Variants in UMODL1 observed in about 807,000 individuals in gnomAD.
The protein encoded by UMODL1 is uromodulin-like 1.
Under a neutral mutation model 136.3 loss-of-function variants are expected in UMODL1, and 128 were observed. The observed-to-expected ratio is 0.94, with a 90% CI of 0.81 to 1.09. UMODL1 has a LOEUF of 1.09. Ranked by LOEUF, UMODL1 falls within the 50% of genes least tolerant of loss-of-function variation. The pLI, the probability that UMODL1 is intolerant of heterozygous loss-of-function variation, is 0.00. For missense variants in UMODL1, 1,766 were observed against 1,725.6 expected, an observed-to-expected ratio of 1.02 and a Z score of -0.41; for synonymous variants, 721 against 720.0, an observed-to-expected ratio of 1.00 and a Z score of -0.02.
At chr21:42,110,034 C>T (rs1326915580) in intron 10 of UMODL1, among the ~76,000 whole-genome samples, 2 of 152,138 alleles carry the variant, frequency 1.3e-5, no homozygotes, top group African/African-American at 4.8e-5. Flanking sequence ...AGGATGCAGC[C>T]CGGGGTCGAG....
intron 2 of UMODL1, among the ~76,000 whole-genome samples, chr21:42,080,936 C>G (rs1163441372): frequency 6.6e-6 from 1 of 152,228 alleles, no homozygotes; most frequent in Non-Finnish European, 1.5e-5. Context: ...ACTTAACTGT[C>G]AGTTGTTTCC....
intron 9 of UMODL1, among the ~76,000 whole-genome samples, chr21:42,106,313 T>C (rs978128787): frequency 6.6e-6 from 1 of 152,170 alleles, no homozygotes; most frequent in Non-Finnish European, 1.5e-5. Flanking sequence ...GAAGAAGACA[T>C]TTGATATTAC....
chr21:42,089,828 A>G (rs1447218400), intron 5 of UMODL1, among the ~76,000 whole-genome samples: 1 of 152,246 alleles, frequency 6.6e-6, no homozygotes, highest in Non-Finnish European at 1.5e-5. Context: ...GTACTTAGAC[A>G]GCATTATGAA....
At position 42,133,903 on chromosome 21, in the gene UMODL1, G is replaced by GTTTTGTTTTT. The variant is rs570917479; in HGVS notation, c.3776-3527_3776-3526insTTTTTGTTTT. Among the ~76,000 whole-genome samples, 493 of 136,350 alleles carry GTTTTGTTTTT rather than the reference G, an allele frequency of 3.6e-3. 4 individuals carry two copies. The highest frequency in any genetic ancestry group is 0.011 in the Middle Eastern group (3 of 270). The allele number at this position is 136,350 out of a possible 152,430, so 89.5% of individuals were successfully genotyped here. A position where few individuals can be genotyped will look rare whatever the true frequency, so the allele number is the denominator to read the frequency against. Reference sequence around the variant, plus strand: ...ATATATCTGTTTTTTGTTTTGTTTTGTTTTGTTTTGTTTTGTTTCGTTTTG... The same window carrying GTTTTGTTTTT: ...ATATATCTGTTTTTTGTTTTGTTTTGTTTTGTTTTTTTTTGTTTTGTTTTGTTTCGTTTTG... On this transcript the variant is annotated intron_variant, in intron 21 of 22. Coordinates refer to ENST00000408910, the MANE Select transcript of UMODL1 (RefSeq NM_001004416.3).
At chr21:42,106,241 C>G (rs754581503) in intron 9 of UMODL1, among the ~76,000 whole-genome samples, 48 of 152,212 alleles carry the variant, frequency 3.2e-4, no homozygotes, top group Non-Finnish European at 5.3e-4. Flanking sequence ...GAGGCCTGAG[C>G]CCAGCTTACA....
At chr21:42,141,908 C>T (rs1010896091) in intron 22 of UMODL1, among the ~76,000 whole-genome samples, 188 bp from the exon 23 acceptor site, 1 of 152,220 alleles carries the variant, frequency 6.6e-6, no homozygotes, top group Non-Finnish European at 1.5e-5. Flanking sequence ...CCCATGGTCC[C>T]CGTTCCACTG....
intron 14 of UMODL1, 62 bp from the exon 15 acceptor site, chr21:42,119,049 T>G: frequency 1.4e-5 from 21 of 1,550,720 alleles, no homozygotes; most frequent in Non-Finnish European, 1.8e-5. Context: ...GGAACCGCCT[T>G]GAGACGGGCA....
At chr21:42,082,552 G>GGCTAT (rs1327171355) in intron 2 of UMODL1, among the ~76,000 whole-genome samples, 1 of 152,190 alleles carries the variant, frequency 6.6e-6, no homozygotes, top group African/African-American at 2.4e-5. Context: ...CAGGGTGGCT[G>GGCTAT]GCTATGGAGG....
At chr21:42,064,437 A>G (rs2066167497) in intron 1 of UMODL1, among the ~76,000 whole-genome samples, 1 of 152,208 alleles carries the variant, frequency 6.6e-6, no homozygotes, top group Non-Finnish European at 1.5e-5. Context: ...CACGGGAACT[A>G]CACGTTGGCT....
chr21:42,104,532 C>T (rs778504975), intron 9 of UMODL1, among the ~76,000 whole-genome samples: 7 of 151,968 alleles, frequency 4.6e-5, no homozygotes, highest in Non-Finnish European at 7.4e-5. Context: ...TCACTGCAAC[C>T]TCCGCCTCCT....
At chr21:42,063,746 C>G (rs1029385297) in intron 1 of UMODL1, among the ~76,000 whole-genome samples, 8 of 152,194 alleles carry the variant, frequency 5.3e-5, no homozygotes, top group African/African-American at 1.7e-4. Flanking sequence ...CTCCCCTTGG[C>G]CCCAGTGGCG....
rs1420838919 is a variant in UMODL1, at chr21:42,090,296, A to G, written c.791-2A>G. On this transcript the variant is annotated splice_acceptor_variant, in intron 5 of 22. Transcript: ENST00000408910. LOFTEE classifies it high-confidence loss of function. ...TGTGGGTCCTGCTCTCCTTCCCTGTAGATGTCAATGAGTGTTTCTATGAGG... is the reference window on the plus strand; with the variant it reads ...TGTGGGTCCTGCTCTCCTTCCCTGTGGATGTCAATGAGTGTTTCTATGAGG... 3.1e-6 allele frequency: 5 copies of G among 1,613,990 alleles called. No individual in the cohort carries two copies.
At chr21:42,064,098 T>C (rs117201265) in intron 1 of UMODL1, among the ~76,000 whole-genome samples, 6,013 of 152,226 alleles carry the variant, frequency 0.04, 139 homozygotes, top group Middle Eastern at 0.085. Context: ...CCGAGGTGAA[T>C]GTCCCCAAGG....
At chr21:42,119,920 TAAAG>T (rs989155325) in intron 15 of UMODL1, among the ~76,000 whole-genome samples, 2 of 152,162 alleles carry the variant, frequency 1.3e-5, no homozygotes, top group Admixed American at 1.3e-4. Flanking sequence ...TAAATCAAAA[TAAAG>T]GCACCATTTT....
chr21:42,074,427 C>T (rs2066264612), intron 1 of UMODL1, among the ~76,000 whole-genome samples: 1 of 152,156 alleles, frequency 6.6e-6, no homozygotes, highest in Admixed American at 6.5e-5. Flanking sequence ...GACTTTAACA[C>T]ACTAATTTTT....
intron 2 of UMODL1, among the ~76,000 whole-genome samples, chr21:42,083,339 T>G (rs2066384909): frequency 1.3e-5 from 2 of 152,114 alleles, no homozygotes; most frequent in African/African-American, 4.8e-5. Flanking sequence ...TCCTGAAGCT[T>G]CTTCTTCTCT....
At chr21:42,133,393 G>C (rs950521942) in intron 21 of UMODL1, among the ~76,000 whole-genome samples, 7 of 152,254 alleles carry the variant, frequency 4.6e-5, no homozygotes, top group Non-Finnish European at 7.3e-5. Context: ...AGCTGGGCCT[G>C]CGAGTGCAGA....
intron 10 of UMODL1, 131 bp from the exon 11 acceptor site, chr21:42,110,749 C>T (rs940229577): frequency 2.7e-5 from 25 of 912,786 alleles, no homozygotes; most frequent in Middle Eastern, 2.4e-4. Context: ...CGCTGGCGCC[C>T]GCCTGCGTCC....
chr21:42,113,466 C>A, intron 12 of UMODL1, 107 bp from the exon 13 acceptor site: 1 of 1,395,308 alleles, frequency 7.2e-7, no homozygotes, highest in Non-Finnish European at 9.7e-7. Flanking sequence ...ACCTGCAAAT[C>A]GCTCATGTCC....
Sources: gnomAD v4.1 joint callset for allele counts (sites outside exome capture counted in the v4.1 genomes callset) on GRCh38, gnomAD v4.1.1 for gene constraint, MANE v1.5 for transcripts, NCBI Gene and HGNC (gene_info 2026-07-23, HGNC 2026-07-21) for gene names.